ESRRB: variants seen among roughly 807,000 people sequenced by gnomAD.
ESRRB encodes the protein estrogen related receptor beta, also known as steroid hormone receptor ERR2.
Under a neutral mutation model 46.0 loss-of-function variants are expected in ESRRB, and 16 were observed. The observed-to-expected ratio is 0.35, with a 90% CI of 0.24 to 0.53. ESRRB has a LOEUF of 0.53. ESRRB is among the 20% of genes least tolerant of loss of function. The pLI, the probability that ESRRB is intolerant of heterozygous loss-of-function variation, is 0.93. For missense variants in ESRRB, 488 were observed against 607.4 expected (o/e 0.80, Z 2.07); for synonymous variants, 246 against 259.6 (o/e 0.95, Z 0.50).
chr14:76,396,830 G>A (rs1032372737), intron 1 of ESRRB, among the ~76,000 whole-genome samples: 2 of 152,204 alleles, frequency 1.3e-5, no homozygotes, highest in Non-Finnish European at 2.9e-5. Flanking sequence ...AGCCAGGCTC[G>A]GCCTGGGTTG....
intron 1 of ESRRB, among the ~76,000 whole-genome samples, chr14:76,400,212 A>G (rs1376139500): frequency 1.3e-5 from 2 of 152,196 alleles, no homozygotes; most frequent in African/African-American, 4.8e-5. Context: ...TACTTCGTGT[A>G]CTGCCGTCCT....
At chr14:76,461,093 G>A (rs1343387396) in intron 2 of ESRRB, among the ~76,000 whole-genome samples, 6 of 151,848 alleles carry the variant, frequency 4.0e-5, no homozygotes, top group African/African-American at 4.8e-5. Flanking sequence ...TGCTCAATGC[G>A]TATTCGTTAA....
At chr14:76,348,979 C>T (rs1884282220) in intron 1 of ESRRB, among the ~76,000 whole-genome samples, 2 of 152,170 alleles carry the variant, frequency 1.3e-5, no homozygotes, top group African/African-American at 4.8e-5. Flanking sequence ...TCAAGGCCTG[C>T]TCGTGAGTCA....
intron 1 of ESRRB, among the ~76,000 whole-genome samples, chr14:76,381,881 C>T (rs55713861): frequency 0.038 from 5,807 of 152,260 alleles, 159 homozygotes; most frequent in East Asian, 0.13. Flanking sequence ...GACACAAAAA[C>T]ACCAGACAAG....
rs1298026102 is a variant in ESRRB at position 76,495,552 on chromosome 14, T to TC, written c.1121-2662_1121-2661insC. ...AAGCAGGCTGGCTAGTCTTTTTTTT[T>TC]TTTTTTTTTTAAGTAATGGTTTTCC... is the stretch of plus-strand genomic sequence containing the variant. On this transcript the variant is annotated intron_variant, in intron 6 of 6. Transcript: ENST00000644823. 3 of 150,984 alleles carry TC rather than the reference T, an allele frequency of 2.0e-5. No individual in the cohort carries two copies. In the East Asian group the frequency reaches 5.8e-4, roughly 29 times the overall value. 9.4% of individuals were successfully genotyped at this position (150,984 alleles called of 1,614,324 possible).
intron 1 of ESRRB, among the ~76,000 whole-genome samples, chr14:76,336,896 C>T (rs569765140): frequency 6.6e-6 from 1 of 152,112 alleles, no homozygotes; most frequent in Non-Finnish European, 1.5e-5. Context: ...ATCGTGAACA[C>T]ATTTAGTGTA....
At chr14:76,380,948 C>T (rs1485080066) in intron 1 of ESRRB, among the ~76,000 whole-genome samples, 3 of 152,180 alleles carry the variant, frequency 2.0e-5, no homozygotes, top group Non-Finnish European at 2.9e-5. Context: ...AGGCTTTCAC[C>T]GATTTCTAGA....
At chr14:76,384,641 T>A (rs1885146244) in intron 1 of ESRRB, among the ~76,000 whole-genome samples, 1 of 152,200 alleles carries the variant, frequency 6.6e-6, no homozygotes, top group Admixed American at 6.5e-5. Flanking sequence ...ACCCCACTAC[T>A]GCCGGCTTCT....
chr14:76,373,292 G>T (rs1012152003), upstream of ESRRB, among the ~76,000 whole-genome samples: 3 of 152,112 alleles, frequency 2.0e-5, no homozygotes, highest in African/African-American at 7.2e-5. Flanking sequence ...ATGATTTGTT[G>T]ACTGCATTTT....
intron 2 of ESRRB, among the ~76,000 whole-genome samples, chr14:76,447,251 TTCCTTCCTTCCTTCCTTCCTTC>T (rs1888188351): frequency 2.2e-5 from 1 of 45,816 alleles, no homozygotes; most frequent in African/African-American, 1.8e-4. Flanking sequence ...GTCTCCTTCC[TTCCTTCCTTCCTTCCTTCCTTC>T]CTTCCTTCCT....
rs1235396108 is a variant in ESRRB at position 76,376,524 on chromosome 14, C to T, written c.50+73C>T. 3 of 1,083,714 alleles carry T rather than the reference C, an allele frequency of 2.8e-6. No homozygotes were observed. The highest frequency in any genetic ancestry group is 3.4e-4 in the Middle Eastern group (1 of 2,956). 67.1% of individuals were successfully genotyped at this position (1,083,714 alleles called of 1,614,324 possible). On this transcript the variant is annotated intron_variant, in intron 1 of 6. Coordinates refer to ENST00000644823, the MANE Select transcript of ESRRB (RefSeq NM_001379180.1). This position sits in a 1 kb window ranked among gnomAD's most constrained non-coding sequence, Gnocchi z 4.1. Reference sequence around the variant, plus strand: ...GTCTCTGTCCTGGGGATCGCAGTTCCTTTTCTGCACATTCTTGTGTAAAAG... The same window carrying T: ...GTCTCTGTCCTGGGGATCGCAGTTCTTTTTCTGCACATTCTTGTGTAAAAG...
intron 5 of ESRRB, 75 bp from the exon 6 acceptor site, chr14:76,491,372 C>T (rs1268040393): frequency 2.0e-6 from 3 of 1,501,982 alleles, no homozygotes; most frequent in East Asian, 2.3e-5. Context: ...AACCTCTGCC[C>T]CCAGCGAGCC....
At chr14:76,398,298 A>G (rs1320044007) in intron 1 of ESRRB, among the ~76,000 whole-genome samples, 1 of 152,170 alleles carries the variant, frequency 6.6e-6, no homozygotes, top group Non-Finnish European at 1.5e-5. Context: ...AAAGTCACAG[A>G]TCTAACACAA....
chr14:76,349,678 C>T (rs1048667988), intron 1 of ESRRB, among the ~76,000 whole-genome samples: 2 of 152,132 alleles, frequency 1.3e-5, no homozygotes, highest in Non-Finnish European at 2.9e-5. Context: ...CAGAGAGCAT[C>T]CTCGTCCACT....
At chr14:76,431,343 C>T (rs1887435195) in intron 1 of ESRRB, among the ~76,000 whole-genome samples, 1 of 152,138 alleles carries the variant, frequency 6.6e-6, no homozygotes, top group Non-Finnish European at 1.5e-5. Context: ...CTTGTTGATA[C>T]CCTGAAATCT....
chr14:76,466,284 G>A (rs1368506914), intron 3 of ESRRB, among the ~76,000 whole-genome samples: 3 of 152,150 alleles, frequency 2.0e-5, no homozygotes, highest in South Asian at 4.2e-4. Context: ...CCACCCTCCC[G>A]CCCTCATCCA....
intron 5 of ESRRB, among the ~76,000 whole-genome samples, chr14:76,489,175 T>C (rs1436609839): frequency 6.6e-6 from 1 of 152,046 alleles, no homozygotes; most frequent in Non-Finnish European, 1.5e-5. Context: ...AGTTGTCTGC[T>C]AATTTCACCC....
chr14:76,418,155 A>T (rs1886789597), intron 1 of ESRRB, among the ~76,000 whole-genome samples: 1 of 151,886 alleles, frequency 6.6e-6, no homozygotes, highest in African/African-American at 2.4e-5. Context: ...GGGTTTCACC[A>T]TGTTTGTCAG....
intron 1 of ESRRB, among the ~76,000 whole-genome samples, chr14:76,426,355 G>T (rs2139900916): frequency 6.6e-6 from 1 of 152,306 alleles, no homozygotes; most frequent in East Asian, 1.9e-4. Flanking sequence ...CATTGGCCAA[G>T]ACCCAGTCAT....
Sources: gnomAD v4.1 joint callset for allele counts (sites outside exome capture counted in the v4.1 genomes callset) on GRCh38, gnomAD v4.1.1 for gene constraint, Gnocchi (gnomAD v3.1) non-coding constraint, MANE v1.5 for transcripts, NCBI Gene and HGNC (gene_info 2026-07-23, HGNC 2026-07-21) for gene names.